The following MYPN variants were observed in gnomAD, a reference collection of about 807,000 sequenced individuals.
MYPN encodes myopalladin.
In MYPN, 63 loss-of-function variants were observed where a neutral mutation model predicts 129.4. That is an observed-to-expected ratio of 0.49 (90% confidence interval 0.40 to 0.60). The LOEUF is 0.60. Ranked by LOEUF, MYPN falls within the 20% of genes least tolerant of loss-of-function variation. The pLI is 0.00. For synonymous variants in MYPN, 629 were observed against 600.9 expected (o/e 1.05, Z -0.68); for missense variants, 1,596 against 1,635.4 (o/e 0.98, Z 0.42).
intron 1 of MYPN, among the ~76,000 whole-genome samples, chr10:68,115,771 A>G (rs1452964421): frequency 6.6e-6 from 1 of 152,216 alleles, no homozygotes; most frequent in Non-Finnish European, 1.5e-5. Context: ...TCTGGCCTTG[A>G]ACCTTTCTGC....
chr10:68,145,251 G>A (rs888128724), intron 3 of MYPN, among the ~76,000 whole-genome samples: 40 of 151,764 alleles, frequency 2.6e-4, no homozygotes, highest in African/African-American at 3.9e-4. Flanking sequence ...CTCGAACTCC[G>A]GACCTCAGGT....
intron 12 of MYPN, among the ~76,000 whole-genome samples, chr10:68,182,211 TATATATATATAACAC>T (rs1564686335): frequency 6.9e-6 from 1 of 143,910 alleles, no homozygotes; most frequent in Non-Finnish European, 1.5e-5. Context: ...ACTAATGTTA[TATATATATATAACAC>T]ATATATATAT....
At chr10:68,177,929 TG>T (rs2043253430) in intron 12 of MYPN, among the ~76,000 whole-genome samples, 1 of 152,342 alleles carries the variant, frequency 6.6e-6, no homozygotes, top group Non-Finnish European at 1.5e-5. Context: ...CTAGAACATT[TG>T]CATGATCTAG....
intron 18 of MYPN, among the ~76,000 whole-genome samples, chr10:68,205,933 T>A (rs569463679): frequency 6.6e-6 from 1 of 152,382 alleles, no homozygotes; most frequent in African/African-American, 2.4e-5. Context: ...ATTTATTCTT[T>A]ATTCTTATTA....
chr10:68,177,352 ATTCTGAGAATTATTG>A (rs2043242909), intron 12 of MYPN, among the ~76,000 whole-genome samples: 1 of 152,210 alleles, frequency 6.6e-6, no homozygotes, highest in Non-Finnish European at 1.5e-5. Context: ...GAGAATTATT[ATTCTGAGAATTATTG>A]CAGTTGGTTA....
rs954311130 is a variant in MYPN at position 68,211,511 on chromosome 10, T to C, written c.*1056T>C. ...CTTTGAGATCATTGGTCAAATTGCA[T>C]TTTCTATGTAGAGAATATTCTGCTA... On this transcript the variant is annotated 3_prime_UTR_variant, in exon 20 of 20. Coordinates refer to ENST00000358913, the MANE Select transcript of MYPN (RefSeq NM_032578.4). 2.2e-6 allele frequency: 1 copy of C among 454,066 alleles called. No homozygotes were observed. Among genetic ancestry groups the C allele is most frequent in the Non-Finnish European group, 4.4e-6 (1 of 226,768 alleles). 28.1% of individuals were successfully genotyped at this position (454,066 alleles called of 1,614,324 possible). A position where few individuals can be genotyped will look rare whatever the true frequency, so the allele number is the denominator to read the frequency against.
At chr10:68,089,608 G>C (rs2041921877) in intron 1 of MYPN, among the ~76,000 whole-genome samples, 1 of 152,150 alleles carries the variant, frequency 6.6e-6, no homozygotes, top group South Asian at 2.1e-4. Context: ...GGCTCCCAAA[G>C]TGCTGGGATT....
intron 1 of MYPN, among the ~76,000 whole-genome samples, chr10:68,114,056 C>T (rs2042119090): frequency 6.6e-6 from 1 of 152,170 alleles, no homozygotes; most frequent in Non-Finnish European, 1.5e-5. Flanking sequence ...ATTCCTCACA[C>T]CCAGATTTGT....
intron 6 of MYPN, among the ~76,000 whole-genome samples, chr10:68,151,984 T>A (rs1479233253): frequency 6.6e-6 from 1 of 152,154 alleles, no homozygotes; most frequent in Non-Finnish European, 1.5e-5. Context: ...TTTTATACCT[T>A]TAGGGAGACA....
chr10:68,208,928 G>T (rs753318563), intron 19 of MYPN, among the ~76,000 whole-genome samples: 1 of 152,178 alleles, frequency 6.6e-6, no homozygotes, highest in Non-Finnish European at 1.5e-5. Flanking sequence ...GGAGGGGCTG[G>T]GAGGAGAGAC....
intron 19 of MYPN, among the ~76,000 whole-genome samples, chr10:68,209,900 C>T (rs557135751): frequency 1.4e-4 from 21 of 152,092 alleles, no homozygotes; most frequent in African/African-American, 4.3e-4. Context: ...GCCATGTTGG[C>T]CAGCCTGGTC....
chr10:68,179,231 A>AT (rs527967390), intron 12 of MYPN, among the ~76,000 whole-genome samples: 291 of 152,246 alleles, frequency 1.9e-3, no homozygotes, highest in African/African-American at 6.5e-3. Context: ...TCTAACAAGA[A>AT]TTTCACATTG....
chr10:68,100,252 T>G (rs1306897960), intron 1 of MYPN, among the ~76,000 whole-genome samples: 1 of 152,198 alleles, frequency 6.6e-6, no homozygotes, highest in East Asian at 1.9e-4. Context: ...ATGTGGATGC[T>G]GGGTTGGGGT....
At chr10:68,173,277 C>T (rs1022560644) in intron 10 of MYPN, among the ~76,000 whole-genome samples, 1 of 152,188 alleles carries the variant, frequency 6.6e-6, no homozygotes, top group African/African-American at 2.4e-5. Context: ...AGCATGTTCT[C>T]ATGGAGAATT....
chr10:68,126,080 G>T (rs967754472), intron 2 of MYPN, among the ~76,000 whole-genome samples: 1 of 152,168 alleles, frequency 6.6e-6, no homozygotes, highest in Non-Finnish European at 1.5e-5. Flanking sequence ...GAGGCCAAGG[G>T]TAGAGGGGAA....
intron 19 of MYPN, among the ~76,000 whole-genome samples, chr10:68,208,941 C>T (rs1177238740): frequency 1.3e-5 from 2 of 152,176 alleles, no homozygotes; most frequent in African/African-American, 2.4e-5. Flanking sequence ...GGAGAGACTG[C>T]GCAAGAGCAG....
At chr10:68,090,323 C>T (rs539381604) in intron 1 of MYPN, among the ~76,000 whole-genome samples, 4 of 152,136 alleles carry the variant, frequency 2.6e-5, no homozygotes, top group Non-Finnish European at 5.9e-5. Flanking sequence ...CCACCACATC[C>T]GGCTGATTTT....
Position 68,199,406 on chromosome 10 carries a change from C to T in MYPN, c.3324C>T (p.Leu1108=), listed in dbSNP as rs1408536966. ...CGCCCCCGGAGCTGACATGGCTACTCAATGGCCAACCTGTGCTACCAGATG... is the reference window on the plus strand; with the variant it reads ...CGCCCCCGGAGCTGACATGGCTACTTAATGGCCAACCTGTGCTACCAGATG... ...GLPPPELTWL[L]NGQPVLPDAS... is the part of the protein sequence containing the mutation. The change falls in exon 17 of 20, where the codon CTC becomes CTT. Residue 1108 remains leucine, a synonymous_variant. Coordinates refer to ENST00000358913, the MANE Select transcript of MYPN (RefSeq NM_032578.4). 6 of 1,614,132 alleles carry T rather than the reference C, an allele frequency of 3.7e-6. No individual in the cohort carries two copies. The highest frequency in any genetic ancestry group is 4.2e-6 in the Non-Finnish European group (5 of 1,180,016).
chr10:68,090,633 T>G (rs1278165654), intron 1 of MYPN, among the ~76,000 whole-genome samples: 1 of 152,182 alleles, frequency 6.6e-6, no homozygotes, highest in Non-Finnish European at 1.5e-5. Context: ...TTAGATAACC[T>G]ACTTACTTTC....
Sources: allele counts gnomAD v4.1 joint callset (sites outside exome capture counted in the v4.1 genomes callset), GRCh38; gene constraint gnomAD v4.1.1; transcripts MANE v1.5; gene names NCBI Gene and HGNC (gene_info 2026-07-23, HGNC 2026-07-21).